The following EML5 variants were observed in gnomAD, a reference collection of about 807,000 sequenced individuals.
The protein encoded by EML5 is echinoderm microtubule-associated protein-like 5.
EML5 carries 120 observed loss-of-function variants against 250.0 expected under a neutral mutation model. The ratio of observed to expected loss-of-function variants is 0.48; its 90% CI spans 0.41 to 0.56. The LOEUF is 0.56. Among genes scored for constraint, EML5 ranks in the 20% least tolerant of loss-of-function variants. The pLI is 0.00. For synonymous variants in EML5, 771 were observed against 806.5 expected (o/e 0.96, Z 0.75); for missense variants, 2,006 against 2,437.6 (o/e 0.82, Z 3.73).
intron 2 of EML5, 55 bp from the exon 3 acceptor site, chr14:88,746,338 G>A (rs2094004256): frequency 1.4e-6 from 2 of 1,408,540 alleles, no homozygotes; most frequent in Admixed American, 1.9e-5. Context: ...AAATCAAAGA[G>A]AAACTGAATT....
chr14:88,688,396 A>C lies in EML5; in HGVS notation c.2617T>G (p.Trp873Gly). The C allele has an allele frequency of 6.2e-7, 1 of 1,614,012 alleles. No homozygotes were observed. The highest frequency in any genetic ancestry group is 8.5e-7 in the Non-Finnish European group (1 of 1,179,888). The change falls in exon 18 of 44, where the codon TGG becomes GGG. Residue 873 changes from tryptophan to glycine, a missense_variant. This residue lies in a region of EML5 where 1,375 missense variants were observed against 1,590.3 expected (regional missense o/e 0.86). Transcript: ENST00000554922. Reference sequence around the variant, plus strand: ...CCAGAAAAAGCCATCTCTTCAGTCCATCCATACACTGCACACATCATTGTG... The same window carrying C: ...CCAGAAAAAGCCATCTCTTCAGTCCCTCCATACACTGCACACATCATTGTG... ...NDTMMCAVYG[W>G]TEEMAFSGTS...
intron 10 of EML5, among the ~76,000 whole-genome samples, chr14:88,706,650 T>C (rs1250962108): frequency 1.3e-5 from 2 of 152,194 alleles, no homozygotes; most frequent in Non-Finnish European, 2.9e-5. Context: ...AGGCATTATC[T>C]TACCACTTTG....
At chr14:88,732,801 T>C (rs1192335592) in intron 7 of EML5, among the ~76,000 whole-genome samples, 11 of 152,202 alleles carry the variant, frequency 7.2e-5, no homozygotes, top group Admixed American at 6.5e-4. Flanking sequence ...TTTTTCTGAA[T>C]TAAGAAGAAT....
chr14:88,634,593 T>A (rs893123303), intron 32 of EML5, 104 bp from the exon 33 acceptor site: 1 of 573,620 alleles, frequency 1.7e-6, no homozygotes, highest in Non-Finnish European at 2.8e-6. Context: ...ACAAAATTGG[T>A]TTTATTACAT....
At chr14:88,696,437 G>A (rs562287818) in intron 15 of EML5, among the ~76,000 whole-genome samples, 2 of 152,106 alleles carry the variant, frequency 1.3e-5, no homozygotes, top group South Asian at 4.2e-4. Flanking sequence ...TCTAAAATAA[G>A]TATTTCAATT....
In EML5 at chr14:88,661,749, TAACTTCTCC is replaced by T. The variant is rs1480741116; in HGVS notation, c.3571_3579del (p.Gly1191_Val1193del). 3 of 1,613,736 alleles carry T rather than the reference TAACTTCTCC, an allele frequency of 1.9e-6. No homozygotes were observed. The highest frequency in any genetic ancestry group is 2.5e-6 in the Non-Finnish European group (3 of 1,179,770). ...GTGAGGCAAGAAGCAGTTACATCTG[TAACTTCTCC>T]AATTACTGGCCAAATTCCTTCACAG... On this transcript the variant is annotated inframe_deletion, in exon 25 of 44. Transcript: ENST00000554922.
rs568299563 is a variant in EML5 at position 88,786,297 on chromosome 14, T to G, written c.197+6010A>C. Among the ~76,000 whole-genome samples, 4 of 152,202 alleles carry G rather than the reference T, an allele frequency of 2.6e-5. No individual in the cohort carries two copies. The East Asian group carries it at 7.7e-4, about 29-fold the overall frequency. On this transcript the variant is annotated intron_variant, in intron 1 of 43. Transcript: ENST00000554922. ...TACAAACTATACATATATACATGCA[T>G]ATATAAAAATTTACACACATATATA...
At chr14:88,690,801 A>C (rs2092939729) in intron 17 of EML5, among the ~76,000 whole-genome samples, 1 of 152,206 alleles carries the variant, frequency 6.6e-6, no homozygotes, top group African/African-American at 2.4e-5. Context: ...GATGTCCTTG[A>C]GTAGATGAGA....
chr14:88,716,409 C>T (rs1199594546), intron 8 of EML5, among the ~76,000 whole-genome samples: 1 of 152,156 alleles, frequency 6.6e-6, no homozygotes, highest in African/African-American at 2.4e-5. Context: ...CCAGGGACTC[C>T]TTCAAGTTAA....
intron 41 of EML5, chr14:88,617,086 G>T: frequency 2.3e-6 from 1 of 431,470 alleles, no homozygotes; most frequent in Non-Finnish European, 4.1e-6. Flanking sequence ...AATTTGAAGG[G>T]TTTCTAGATT....
intron 1 of EML5, among the ~76,000 whole-genome samples, chr14:88,772,256 T>C (rs1336720734): frequency 1.3e-5 from 2 of 152,238 alleles, no homozygotes; most frequent in Non-Finnish European, 2.9e-5. Context: ...CCAGCATTCA[T>C]CTTACATCAC....
chr14:88,792,537 CCGCGGCGGCGACGGGA>C lies in EML5; in HGVS notation c.-50_-35del. ...GCCCACCCGCCGCTCCCGCTCGGGC[CCGCGGCGGCGACGGGA>C]GGCGGCGGCGGCCCGGCAACGAAAG... On this transcript the variant is annotated 5_prime_UTR_variant, in exon 1 of 44. Transcript: ENST00000554922. The surrounding 1 kb of genome is among the most constrained non-coding windows in gnomAD (Gnocchi z 6.9). 8.0e-7 allele frequency: 1 copy of C among 1,245,336 alleles called. No individual in the cohort carries two copies. The highest frequency in any genetic ancestry group is 3.7e-5 in the South Asian group (1 of 27,228). 77.1% of individuals were successfully genotyped at this position (1,245,336 alleles called of 1,614,324 possible).
At chr14:88,622,214 A>T (rs2089119655) in intron 37 of EML5, 1 of 174,274 alleles carries the variant, frequency 5.7e-6, no homozygotes, top group Non-Finnish European at 1.2e-5. Context: ...GAATTTCATT[A>T]TTTTTTATGG....
chr14:88,669,762 G>GTCCTGGA (rs2092407260), intron 21 of EML5, among the ~76,000 whole-genome samples: 1 of 152,164 alleles, frequency 6.6e-6, no homozygotes, highest in Non-Finnish European at 1.5e-5. Flanking sequence ...CATTAAGTGG[G>GTCCTGGA]TCCTGGATCC....
chr14:88,694,248 A>T, intron 17 of EML5, 59 bp downstream of exon 17: 2 of 1,227,768 alleles, frequency 1.6e-6, no homozygotes, highest in Non-Finnish European at 2.3e-6. Context: ...TAGCTAAATT[A>T]CTTTCAAAAG....
At position 88,667,512 on chromosome 14, in the gene EML5, G is replaced by A. The variant is rs1311106639; in HGVS notation, c.3125-2023C>T. 2.0e-5 allele frequency among the ~76,000 whole-genome samples: 3 copies of A among 152,202 alleles called. No homozygotes were observed. In the East Asian group the frequency reaches 5.8e-4, roughly 29 times the overall value. ...TGTGATTGTACTGAAGTTCAAATGT[G>A]TGTATAAAGGTTCATGTGGATCCTG... On this transcript the variant is annotated intron_variant, in intron 21 of 43. Transcript: ENST00000554922.
In EML5 at chr14:88,688,460, A is replaced by C. The variant is rs2092886447; in HGVS notation, c.2553T>G (p.Ile851Met). ...KFWRKAGGGLIGRKGYIGTLG... is the reference protein window; with the variant it reads ...KFWRKAGGGLMGRKGYIGTLG... ...GTGTGCCTATGTAGCCTTTTCTTCCAATCAATCCTCCCCCTAGTTCACAAA... is the reference window on the plus strand; with the variant it reads ...GTGTGCCTATGTAGCCTTTTCTTCCCATCAATCCTCCCCCTAGTTCACAAA... The change falls in exon 18 of 44, where the codon ATT becomes ATG. Residue 851 changes from isoleucine (I) to methionine (M), a missense_variant. This residue lies in a region of EML5 where 1,375 missense variants were observed against 1,590.3 expected (regional missense o/e 0.86). Transcript: ENST00000554922. 5.6e-6 allele frequency: 9 copies of C among 1,613,722 alleles called. No homozygotes were observed. The highest frequency in any genetic ancestry group is 1.3e-5 in the African/African-American group (1 of 74,918).
At chr14:88,735,401 A>C (rs942935395) in intron 7 of EML5, among the ~76,000 whole-genome samples, 1 of 152,248 alleles carries the variant, frequency 6.6e-6, no homozygotes, top group Non-Finnish European at 1.5e-5. Flanking sequence ...CTAACAGAAA[A>C]TAGGCAAACA....
intron 2 of EML5, among the ~76,000 whole-genome samples, chr14:88,747,249 T>C (rs1191875942): frequency 6.6e-6 from 1 of 151,970 alleles, no homozygotes; most frequent in African/African-American, 2.4e-5. Context: ...CCGTCTCTAC[T>C]AAAATTACAA....
Sources: gnomAD v4.1 joint callset for allele counts (sites outside exome capture counted in the v4.1 genomes callset) on GRCh38, gnomAD v4.1.1 for gene constraint, gnomAD v4.1.1 regional missense constraint, Gnocchi (gnomAD v3.1) non-coding constraint, MANE v1.5 for transcripts, NCBI Gene and HGNC (gene_info 2026-07-23, HGNC 2026-07-21) for gene names.